The following DNM1 variants were observed in gnomAD, a reference collection of about 807,000 sequenced individuals.
DNM1 encodes the protein dynamin 1.
DNM1 carries 29 observed loss-of-function variants against 104.6 expected under a neutral mutation model. The observed-to-expected ratio is 0.28, with a 90% confidence interval of 0.21 to 0.38. The LOEUF is 0.38. Ranked by LOEUF, DNM1 falls within the 10% of genes least tolerant of loss-of-function variation. DNM1 has a pLI of 1.00. For synonymous variants in DNM1, 445 were observed against 475.8 expected (o/e 0.94, Z 0.84); for missense variants, 640 against 1,189.4 (o/e 0.54, Z 6.79).
At chr9:128,228,820 T>G (rs1421005522) in intron 10 of DNM1, among the ~76,000 whole-genome samples, 7 of 151,522 alleles carry the variant, frequency 4.6e-5, no homozygotes, top group African/African-American at 1.7e-4. Flanking sequence ...CTGTCTCTAC[T>G]AAAAATGCAA....
Position 128,218,848 on chromosome 9 carries a change from C to G in DNM1, c.385+117C>G. 7.2e-7 allele frequency: 1 copy of G among 1,384,746 alleles called. No homozygotes were observed. The highest frequency in any genetic ancestry group is 9.7e-7 in the Non-Finnish European group (1 of 1,035,258). 85.8% of individuals were successfully genotyped at this position (1,384,746 alleles called of 1,614,324 possible). ...AGAATGACCCTGCCTCTGCATCATC[C>G]TATTCCAAGCTCCACCCTGCCGTGA... is the stretch of plus-strand genomic sequence containing the variant. On this transcript the variant is annotated intron_variant, in intron 3 of 21. Coordinates refer to ENST00000372923, the MANE Select transcript of DNM1 (RefSeq NM_004408.4). This position sits in a 1 kb window ranked among gnomAD's most constrained non-coding sequence, Gnocchi z 4.8.
chr9:128,250,112 C>T lies in DNM1; in HGVS notation c.2077-3C>T, dbSNP rs977008402. ...ACCTCCTTCCCTCTTTGCCTACTCG[C>T]AGACCAAGGAGTTCATCTTCTCGGA... is the stretch of plus-strand genomic sequence containing the variant. On this transcript the variant is annotated splice_region_variant and splice_polypyrimidine_tract_variant and intron_variant, in intron 19 of 21. Coordinates refer to ENST00000372923, the MANE Select transcript of DNM1 (RefSeq NM_004408.4). 1 of 1,613,964 alleles carries T rather than the reference C, an allele frequency of 6.2e-7. No individual in the cohort carries two copies. The highest frequency in any genetic ancestry group is 8.5e-7 in the Non-Finnish European group (1 of 1,179,954).
At position 128,203,466 on chromosome 9, in the gene DNM1, C is replaced by G; in HGVS notation, c.-5C>G. ...GGATCGCAGCCTGCGGGGCCCGCCG[C>G]AGCCATGGGCAACCGCGGCATGGAA... On this transcript the variant is annotated 5_prime_UTR_variant, in exon 1 of 22. Coordinates refer to ENST00000372923, the MANE Select transcript of DNM1 (RefSeq NM_004408.4). This position sits in a 1 kb window ranked among gnomAD's most constrained non-coding sequence, Gnocchi z 5.3. 1 of 1,486,606 alleles carries G rather than the reference C, an allele frequency of 6.7e-7. No individual in the cohort carries two copies. Among genetic ancestry groups the G allele is most frequent in the Non-Finnish European group, 8.9e-7 (1 of 1,118,372 alleles). The allele number at this position is 1,486,606 out of a possible 1,614,324, so 92.1% of individuals were successfully genotyped here.
Position 128,253,872 on chromosome 9 carries a change from GGCCTGTT to G in DNM1, c.2535-779_2535-773del, listed in dbSNP as rs1000398800. ...GCCAGCCAGCGGGCTCACGCACCTTGGCCTGTTGCTCCTAGGGTCACTTGTGCCATTC... is the reference window on the plus strand; with the variant it reads ...GCCAGCCAGCGGGCTCACGCACCTTGGCTCCTAGGGTCACTTGTGCCATTC... On this transcript the variant is annotated intron_variant, in intron 21 of 21. Transcript: ENST00000372923. The surrounding 1 kb of genome is among the most constrained non-coding windows in gnomAD (Gnocchi z 5.9). 13 of 1,217,456 alleles carry G rather than the reference GGCCTGTT, an allele frequency of 1.1e-5. No individual in the cohort carries two copies. In the African/African-American group the frequency reaches 2.0e-4, roughly 19 times the overall value. The allele number at this position is 1,217,456 out of a possible 1,614,324, so 75.4% of individuals were successfully genotyped here. A position where few individuals can be genotyped will look rare whatever the true frequency, so the allele number is the denominator to read the frequency against.
intron 19 of DNM1, among the ~76,000 whole-genome samples, chr9:128,249,041 C>T (rs897007944): frequency 3.3e-5 from 5 of 149,860 alleles, no homozygotes; most frequent in African/African-American, 1.2e-4. Flanking sequence ...AAAAATAGAA[C>T]AATTAGCCAG....
In DNM1 at chr9:128,248,472, C is replaced by G. The variant is rs1829304869; in HGVS notation, c.1906-111C>G. ...AGGTATGTATTCAGGCCAGTCGCTT[C>G]TCTCTGTGCCTCAATATTCTGGGTA... On this transcript the variant is annotated intron_variant, in intron 18 of 21. Transcript: ENST00000372923. This position sits in a 1 kb window ranked among gnomAD's most constrained non-coding sequence, Gnocchi z 5.6. The G allele has an allele frequency of 3.1e-6, 4 of 1,307,604 alleles. No homozygotes were observed. Among genetic ancestry groups the G allele is most frequent in the Non-Finnish European group, 3.2e-6 (3 of 948,062 alleles). The allele number at this position is 1,307,604 out of a possible 1,614,324, so 81.0% of individuals were successfully genotyped here.
rs1588471861 is a variant in DNM1, at chr9:128,254,971, G to A, written c.*257G>A. On this transcript the variant is annotated 3_prime_UTR_variant, in exon 22 of 22. Transcript: ENST00000372923. The surrounding 1 kb of genome is among the most constrained non-coding windows in gnomAD (Gnocchi z 6.1). ...ACACCTACACATGGCCAACCGCCTC[G>A]CCTCTAGCGCTGGGAATCAGTCACT... 5.3e-6 allele frequency: 2 copies of A among 377,632 alleles called. No homozygotes were observed. The highest frequency in any genetic ancestry group is 4.7e-6 in the Non-Finnish European group (1 of 211,190). The allele number at this position is 377,632 out of a possible 1,614,324, so 23.4% of individuals were successfully genotyped here. A position where few individuals can be genotyped will look rare whatever the true frequency, so the allele number is the denominator to read the frequency against.
Position 128,239,916 on chromosome 9 carries a change from T to C in DNM1, c.1546-69T>C, listed in dbSNP as rs375925340. ...CAGCTGCCAGCCACAAGCCTCCCAC[T>C]CTGCCTCAGTAACCCTCTCTCCTCT... On this transcript the variant is annotated intron_variant, in intron 13 of 21. Coordinates refer to ENST00000372923, the MANE Select transcript of DNM1 (RefSeq NM_004408.4). 23 of 1,602,660 alleles carry C rather than the reference T, an allele frequency of 1.4e-5. No homozygotes were observed. In the African/African-American group the frequency reaches 2.8e-4, roughly 20 times the overall value.
chr9:128,212,745 G>T lies in DNM1; in HGVS notation c.162-5486G>T, dbSNP rs118040838. On this transcript the variant is annotated intron_variant, in intron 1 of 21. Coordinates refer to ENST00000372923, the MANE Select transcript of DNM1 (RefSeq NM_004408.4). Reference sequence around the variant, plus strand: ...CAGCCATGCAAGAATCGATCCAAAGGCTGTAGATTTTCTTAAACAGCTTTA... The same window carrying T: ...CAGCCATGCAAGAATCGATCCAAAGTCTGTAGATTTTCTTAAACAGCTTTA... Among the ~76,000 whole-genome samples the T allele has an allele frequency of 1.6e-4, 24 of 152,282 alleles. No individual in the cohort carries two copies. In the East Asian group the frequency reaches 4.6e-3, roughly 29 times the overall value.
In DNM1 at chr9:128,234,006, C is replaced by A. The variant is rs764771425; in HGVS notation, c.1336-15C>A. The A allele has an allele frequency of 6.4e-7, 1 of 1,555,104 alleles. No homozygotes were observed. The highest frequency in any genetic ancestry group is 1.4e-5 in the African/African-American group (1 of 73,294). On this transcript the variant is annotated splice_polypyrimidine_tract_variant and intron_variant, in intron 10 of 21. Coordinates refer to ENST00000372923, the MANE Select transcript of DNM1 (RefSeq NM_004408.4). ...CTCTGTGTACGTGGCTTTCTGCCCT[C>A]CTGCCCTTCCCCAGCTCCAGCAGTA...
rs10987947 is a variant in DNM1 at position 128,250,226 on chromosome 9, C to A, written c.2188C>A (p.Arg730Ser). 6.2e-7 allele frequency: 1 copy of A among 1,614,132 alleles called. No homozygotes were observed. Among genetic ancestry groups the A allele is most frequent in the Non-Finnish European group, 8.5e-7 (1 of 1,180,016 alleles). ...EQAQRRDEML[R>S]MYHALKEALS... is the part of the protein sequence containing the mutation. ...GGCACAGCGGCGCGACGAGATGCTG[C>A]GCATGTACCACGCACTGAAGGAGGC... The change falls in exon 20 of 22, where the codon CGC becomes AGC. Residue 730 changes from arginine (R) to serine (S), a missense_variant. Coordinates refer to ENST00000372923, the MANE Select transcript of DNM1 (RefSeq NM_004408.4).
At position 128,220,754 on chromosome 9, in the gene DNM1, T is replaced by C. The variant is rs1834917275; in HGVS notation, c.849+413T>C. 6.7e-6 allele frequency among the ~76,000 whole-genome samples: 1 copy of C among 148,776 alleles called. No individual in the cohort carries two copies. The highest frequency in any genetic ancestry group is 2.2e-4 in the South Asian group (1 of 4,506). ...GCGCGCGCGCGCGCGTGTGTGTGTGTGTGTGTGTGTGTGTCTGTCTGACTG... is the reference window on the plus strand; with the variant it reads ...GCGCGCGCGCGCGCGTGTGTGTGTGCGTGTGTGTGTGTGTCTGTCTGACTG... On this transcript the variant is annotated intron_variant, in intron 6 of 21. Coordinates refer to ENST00000372923, the MANE Select transcript of DNM1 (RefSeq NM_004408.4). The surrounding 1 kb of genome is among the most constrained non-coding windows in gnomAD (Gnocchi z 5.2).
intron 15 of DNM1, 125 bp from the exon 16 acceptor site, chr9:128,246,269 G>A (rs954874319): frequency 4.2e-6 from 3 of 708,876 alleles, no homozygotes; most frequent in Non-Finnish European, 7.6e-6. Context: ...TTATCTAGCT[G>A]CACCTTCGCA....
Position 128,224,195 on chromosome 9 carries a change from C to G in DNM1, c.1197-56C>G. The G allele has an allele frequency of 6.4e-7, 1 of 1,570,024 alleles. No individual in the cohort carries two copies. Among genetic ancestry groups the G allele is most frequent in the South Asian group, 1.2e-5 (1 of 83,186 alleles). On this transcript the variant is annotated intron_variant, in intron 9 of 21. Coordinates refer to ENST00000372923, the MANE Select transcript of DNM1 (RefSeq NM_004408.4). The surrounding 1 kb of genome is among the most constrained non-coding windows in gnomAD (Gnocchi z 4.3). ...CTTGGGGAGGAGCCTCGGCCTGGCC[C>G]TCCTGGCCGGCACTGGCCTGTGACA...
At position 128,218,666 on chromosome 9, in the gene DNM1, G is replaced by C; in HGVS notation, c.320G>C (p.Arg107Thr). 1 of 1,613,400 alleles carries C rather than the reference G, an allele frequency of 6.2e-7. No homozygotes were observed. Among genetic ancestry groups the C allele is most frequent in the Non-Finnish European group, 8.5e-7 (1 of 1,179,608 alleles). ...CTTGAGATCGAGGCCGAGACCGACAGGGTCACCGGCACCAACAAGGGCATC... is the reference window on the plus strand; with the variant it reads ...CTTGAGATCGAGGCCGAGACCGACACGGTCACCGGCACCAACAAGGGCATC... ...VRLEIEAETD[R>T]VTGTNKGISP... Residue 107 changes from arginine to threonine, a missense_variant, in exon 3 of 22, where the codon AGG becomes ACG. By Grantham distance (71) the Arg-to-Thr change is moderately conservative. Transcript: ENST00000372923. This position sits in a 1 kb window ranked among gnomAD's most constrained non-coding sequence, Gnocchi z 4.8.
intron 14 of DNM1, 35 bp from the exon 15 acceptor site, chr9:128,242,197 C>A: frequency 8.0e-7 from 1 of 1,248,284 alleles, no homozygotes. Context: ...AGGCTCAGGC[C>A]CTGTCCACTG....
chr9:128,242,927 G>A (rs745648579), intron 15 of DNM1, among the ~76,000 whole-genome samples: 6 of 152,098 alleles, frequency 3.9e-5, no homozygotes, highest in Non-Finnish European at 8.8e-5. Flanking sequence ...GGGGACTTGG[G>A]TGCCCCTCCC....
At chr9:128,212,006 G>T (rs1350207066) in intron 1 of DNM1, among the ~76,000 whole-genome samples, 3 of 152,212 alleles carry the variant, frequency 2.0e-5, no homozygotes, top group African/African-American at 7.2e-5. Context: ...ACTAGCCAGG[G>T]TGGGGAGAAA....
In DNM1 at chr9:128,219,348, C is replaced by T. The variant is rs1434624225; in HGVS notation, c.589+96C>T. 5 of 1,108,616 alleles carry T rather than the reference C, an allele frequency of 4.5e-6. No individual in the cohort carries two copies. In the African/African-American group the frequency reaches 6.2e-5, roughly 14 times the overall value. The allele number at this position is 1,108,616 out of a possible 1,614,324, so 68.7% of individuals were successfully genotyped here. ...GAGCCTCTGAACGGTCTAAGAATAGCGGTGGGATCAGATTTGTACCTTTAA... is the reference window on the plus strand; with the variant it reads ...GAGCCTCTGAACGGTCTAAGAATAGTGGTGGGATCAGATTTGTACCTTTAA... On this transcript the variant is annotated intron_variant, in intron 4 of 21. Coordinates refer to ENST00000372923, the MANE Select transcript of DNM1 (RefSeq NM_004408.4).
Sources: allele counts gnomAD v4.1 joint callset (sites outside exome capture counted in the v4.1 genomes callset), GRCh38; gene constraint gnomAD v4.1.1; non-coding constraint Gnocchi (gnomAD v3.1); transcripts MANE v1.5; gene names NCBI Gene and HGNC (gene_info 2026-07-23, HGNC 2026-07-21).